The following SNRNP70 variants were observed in gnomAD, a reference collection of about 807,000 sequenced individuals.
The protein encoded by SNRNP70 is U1 small nuclear ribonucleoprotein 70 kDa.
A neutral mutation model predicts 50.5 loss-of-function variants in SNRNP70; 8 were observed. That is an observed-to-expected ratio of 0.16 (90% CI 0.09 to 0.29). The LOEUF is 0.29. SNRNP70 is among the 10% of genes least tolerant of loss of function. The probability of loss-of-function intolerance (pLI) is 1.00; values close to 1 mark genes in which losing one functional copy is unlikely to be tolerated. For missense variants in SNRNP70, 529 were observed against 663.5 expected (o/e 0.80, Z 2.23); for synonymous variants, 320 against 252.9 (o/e 1.27, Z -2.52).
chr19:49,091,380 A>AT (rs2040445379), intron 4 of SNRNP70, among the ~76,000 whole-genome samples: 1 of 152,088 alleles, frequency 6.6e-6, no homozygotes, highest in Non-Finnish European at 1.5e-5. Context: ...CTTAAAAAAA[A>AT]AAAAGATTAT....
chr19:49,087,833 C>T (rs1243898191), intron 2 of SNRNP70: 1 of 152,238 alleles, frequency 6.6e-6, no homozygotes, highest in Non-Finnish European at 1.5e-5. Flanking sequence ...AGAGATATTA[C>T]TGGCCAATTA....
intron 6 of SNRNP70, among the ~76,000 whole-genome samples, chr19:49,100,796 ACT>A (rs1325009453): frequency 1.6e-5 from 2 of 125,366 alleles, no homozygotes; most frequent in Non-Finnish European, 3.3e-5. Context: ...ACAGAGCAAG[ACT>A]CTGTCTCCAA....
rs2040543339 is a variant in SNRNP70 at position 49,098,693 on chromosome 19, C to T, written c.382C>T (p.Pro128Ser). Reference protein sequence around the residue: ...KLRREFEVYGPIKRIHMVYSK... With the variant: ...KLRREFEVYGSIKRIHMVYSK... ...CCGGAGAGAGTTTGAGGTGTACGGA[C>T]CTATCAAAAGAGTAAGTGGAGTGGG... Residue 128 changes from proline to serine, a missense_variant, in exon 6 of 10, where the codon CCT becomes TCT. Pro to Ser is a moderately conservative substitution (Grantham distance 74). Transcript: ENST00000598441. The T allele has an allele frequency of 6.2e-7, 1 of 1,613,784 alleles. No homozygotes were observed. Among genetic ancestry groups the T allele is most frequent in the South Asian group, 1.1e-5 (1 of 91,070 alleles).
At chr19:49,105,219 A>G (rs539869274) in intron 8 of SNRNP70, among the ~76,000 whole-genome samples, 2 of 152,086 alleles carry the variant, frequency 1.3e-5, no homozygotes, top group African/African-American at 4.8e-5. Context: ...GTTGAGCAAC[A>G]CAGAGGCAGC....
rs1313405866 is a variant in SNRNP70 at position 49,090,496 on chromosome 19, G to A, written c.241G>A (p.Glu81Lys). 6.2e-7 allele frequency: 1 copy of A among 1,614,180 alleles called. No individual in the cohort carries two copies. Among genetic ancestry groups the A allele is most frequent in the Non-Finnish European group, 8.5e-7 (1 of 1,180,036 alleles). ...GGAAAAGATTGAGCGGCGACAGCAA[G>A]AAGTGGAGACAGAGCTTAAAATGTG... ...RREKIERRQQ[E>K]VETELKMWDP... The change falls in exon 4 of 10, where the codon GAA (glutamate) becomes AAA (lysine). Residue 81 changes from glutamate to lysine, a missense_variant. Coordinates refer to ENST00000598441, the MANE Select transcript of SNRNP70 (RefSeq NM_003089.6).
rs999635634 is a variant in SNRNP70 at position 49,085,466 on chromosome 19, C to T, written c.-181C>T. 1.5e-4 allele frequency: 65 copies of T among 433,618 alleles called. No homozygotes were observed. The highest frequency in any genetic ancestry group is 1.2e-3 in the African/African-American group (60 of 49,338). 26.9% of individuals were successfully genotyped at this position (433,618 alleles called of 1,614,324 possible). A position where few individuals can be genotyped will look rare whatever the true frequency, so the allele number is the denominator to read the frequency against. ...CCCCTGCTCCAGTCGCTATCGGAGG[C>T]CGCGCGGGTGGCTGAGCAGCGGCCT... On this transcript the variant is annotated 5_prime_UTR_variant, in exon 1 of 10. Coordinates refer to ENST00000598441, the MANE Select transcript of SNRNP70 (RefSeq NM_003089.6).
At chr19:49,095,634 T>A (rs912625337) in intron 4 of SNRNP70, among the ~76,000 whole-genome samples, 3 of 151,438 alleles carry the variant, frequency 2.0e-5, no homozygotes, top group African/African-American at 7.3e-5. Flanking sequence ...GCCTCCCTGG[T>A]TCAAGCGATT....
intron 1 of SNRNP70, among the ~76,000 whole-genome samples, chr19:49,086,048 A>C (rs2040374278): frequency 6.6e-6 from 1 of 151,976 alleles, no homozygotes; most frequent in South Asian, 2.1e-4. Context: ...TTTGCCCTCC[A>C]CGGCACGGGA....
rs936310005 is a variant in SNRNP70 at position 49,107,763 on chromosome 19, C to T, written c.666-32C>T. ...GGGTGGGGGGCGGTCACGGGGGGAG[C>T]CCAGCCACACAGGTCTGCCCACCTC... On this transcript the variant is annotated intron_variant, in intron 9 of 9. Transcript: ENST00000598441. The surrounding 1 kb of genome is among the most constrained non-coding windows in gnomAD (Gnocchi z 6.0). 6.8e-6 allele frequency: 11 copies of T among 1,611,678 alleles called. No individual in the cohort carries two copies. The highest frequency in any genetic ancestry group is 1.3e-5 in the African/African-American group (1 of 74,892).
intron 2 of SNRNP70, among the ~76,000 whole-genome samples, chr19:49,087,126 G>C (rs908963428): frequency 2.8e-5 from 4 of 142,318 alleles, no homozygotes; most frequent in African/African-American, 1.1e-4. Context: ...GTTGCAATGA[G>C]CCGAGATCGC....
Position 49,107,724 on chromosome 19 carries a change from C to T in SNRNP70, c.665+12C>T, listed in dbSNP as rs778698747. 183 of 1,613,652 alleles carry T rather than the reference C, an allele frequency of 1.1e-4. No homozygotes were observed. Among genetic ancestry groups the T allele is most frequent in the Admixed American group, 1.7e-4 (10 of 59,986 alleles). The stretch of plus-strand genomic sequence containing the variant: ...CGCTACGATGAGAGGTAAGATTGGG[C>T]GACCGGTGTCCTGGGGTGGGGGGCG... On this transcript the variant is annotated intron_variant, in intron 9 of 9. Coordinates refer to ENST00000598441, the MANE Select transcript of SNRNP70 (RefSeq NM_003089.6). The surrounding 1 kb of genome is among the most constrained non-coding windows in gnomAD (Gnocchi z 6.0).
At position 49,104,464 on chromosome 19, in the gene SNRNP70, C is replaced by T. The variant is rs755296344; in HGVS notation, c.476-170C>T. 4.1e-5 allele frequency: 25 copies of T among 613,950 alleles called. No homozygotes were observed. In the African/African-American group the frequency reaches 4.4e-4, roughly 11 times the overall value. 38.0% of individuals were successfully genotyped at this position (613,950 alleles called of 1,614,324 possible). A position where few individuals can be genotyped will look rare whatever the true frequency, so the allele number is the denominator to read the frequency against. On this transcript the variant is annotated intron_variant, in intron 7 of 9. Coordinates refer to ENST00000598441, the MANE Select transcript of SNRNP70 (RefSeq NM_003089.6). The surrounding 1 kb of genome is among the most constrained non-coding windows in gnomAD (Gnocchi z 5.4). ...ACGCTGAGATGGAGCAGGCCCTTCA[C>T]CGGTTTGGGAGAGGGTTGGTCTGGC...
intron 7 of SNRNP70, chr19:49,101,678 G>C (rs183150201): frequency 3.5e-6 from 2 of 571,852 alleles, no homozygotes; most frequent in East Asian, 5.9e-5. Flanking sequence ...CAACGTGTGT[G>C]TGTGTGTGAA....
intron 4 of SNRNP70, among the ~76,000 whole-genome samples, chr19:49,095,549 T>G (rs1483735946): frequency 6.6e-6 from 1 of 151,934 alleles, no homozygotes; most frequent in Non-Finnish European, 1.5e-5. Context: ...TTTTTTTTTT[T>G]TTTTGGAGAC....
At chr19:49,099,181 A>G (rs1318148944) in intron 6 of SNRNP70, among the ~76,000 whole-genome samples, 3 of 152,168 alleles carry the variant, frequency 2.0e-5, no homozygotes, top group East Asian at 3.9e-4. Flanking sequence ...AACATGGGAG[A>G]CGCATGCCTT....
intron 8 of SNRNP70, among the ~76,000 whole-genome samples, chr19:49,105,185 CA>C (rs2040650374): frequency 6.6e-6 from 1 of 152,112 alleles, no homozygotes; most frequent in Non-Finnish European, 1.5e-5. Context: ...CCTATTGGAT[CA>C]CCAGCTGTGT....
intron 4 of SNRNP70, among the ~76,000 whole-genome samples, chr19:49,094,722 C>G (rs1282872662): frequency 6.6e-6 from 1 of 152,220 alleles, no homozygotes; most frequent in Non-Finnish European, 1.5e-5. Context: ...TGCCTTGTCA[C>G]AATGAACAGC....
intron 2 of SNRNP70, chr19:49,087,905 C>A (rs2040401428): frequency 1.3e-5 from 2 of 152,050 alleles, no homozygotes; most frequent in African/African-American, 4.8e-5. Context: ...TGCCAGTTAC[C>A]ATTTATTTAT....
Position 49,104,214 on chromosome 19 carries a change from T to A in SNRNP70, c.476-420T>A, listed in dbSNP as rs2040633574. Reference sequence around the variant, plus strand: ...TCCCAGCTGGGCCTCCTGCCCCGGCTTGGTGTCTCAGGGTGCATGCTTGGG... The same window carrying A: ...TCCCAGCTGGGCCTCCTGCCCCGGCATGGTGTCTCAGGGTGCATGCTTGGG... On this transcript the variant is annotated intron_variant, in intron 7 of 9. Transcript: ENST00000598441. This position sits in a 1 kb window ranked among gnomAD's most constrained non-coding sequence, Gnocchi z 5.4. The A allele has an allele frequency of 6.2e-6, 1 of 160,908 alleles. No homozygotes were observed. Among genetic ancestry groups the A allele is most frequent in the Non-Finnish European group, 1.3e-5 (1 of 74,212 alleles). The allele number at this position is 160,908 out of a possible 1,614,324, so 10.0% of individuals were successfully genotyped here.
Sources: allele counts gnomAD v4.1 joint callset (sites outside exome capture counted in the v4.1 genomes callset), GRCh38; gene constraint gnomAD v4.1.1; non-coding constraint Gnocchi (gnomAD v3.1); transcripts MANE v1.5; gene names NCBI Gene and HGNC (gene_info 2026-07-23, HGNC 2026-07-21).